The following USP47 variants were observed in gnomAD, a reference collection of about 807,000 sequenced individuals.
USP47 encodes ubiquitin carboxyl-terminal hydrolase 47.
Under a neutral mutation model 165.1 loss-of-function variants are expected in USP47, and 35 were observed. That is an observed-to-expected ratio of 0.21 (90% CI 0.16 to 0.28). The LOEUF is 0.28. Among genes scored for constraint, USP47 ranks in the 10% least tolerant of loss-of-function variants. USP47 has a pLI of 1.00. For missense variants in USP47, 1,277 were observed against 1,607.4 expected (o/e 0.79, Z 3.52); for synonymous variants, 531 against 544.5 (o/e 0.98, Z 0.35).
In USP47 at chr11:11,892,061, A is replaced by G. The variant is rs763420972; in HGVS notation, c.451A>G (p.Ser151Gly). ...TGGGGGTTCTACCAGTGATTATGTC[A>G]GCCAAAGCTACTCCTACTCATCTAT... ...GSGGSTSDYVSQSYSYSSILN... is the reference protein window; with the variant it reads ...GSGGSTSDYVGQSYSYSSILN... The change falls in exon 4 of 28, where the codon AGC becomes GGC. Residue 151 changes from serine (S) to glycine (G), a missense_variant. Ser to Gly is a moderately conservative substitution (Grantham distance 56). Transcript: ENST00000527733. 2 of 1,613,778 alleles carry G rather than the reference A, an allele frequency of 1.2e-6. No homozygotes were observed. The highest frequency in any genetic ancestry group is 1.7e-6 in the Non-Finnish European group (2 of 1,179,886).
At chr11:11,919,996 ATAT>A (rs1853712176) in intron 8 of USP47, among the ~76,000 whole-genome samples, 157 bp from the exon 9 acceptor site, 1 of 151,794 alleles carries the variant, frequency 6.6e-6, no homozygotes, top group African/African-American at 2.4e-5. Context: ...TATAGTGATA[ATAT>A]TATTTTACTG....
chr11:11,917,958 T>G (rs1296657087), intron 8 of USP47, among the ~76,000 whole-genome samples: 2 of 152,040 alleles, frequency 1.3e-5, no homozygotes, highest in African/African-American at 4.8e-5. Context: ...AAATCAAGGG[T>G]GGAAGATTTG....
intron 1 of USP47, among the ~76,000 whole-genome samples, chr11:11,857,587 A>G (rs954821551): frequency 5.3e-5 from 8 of 152,318 alleles, no homozygotes; most frequent in Non-Finnish European, 1.0e-4. Flanking sequence ...AGTAGTTATG[A>G]GGCAGGAGAA....
intron 1 of USP47, among the ~76,000 whole-genome samples, chr11:11,848,712 C>T (rs1848563024): frequency 6.6e-6 from 1 of 150,684 alleles, no homozygotes; most frequent in Non-Finnish European, 1.5e-5. Flanking sequence ...CGGGTTCAAG[C>T]GATTCTCCTG....
chr11:11,919,483 C>T (rs977899292), intron 8 of USP47, among the ~76,000 whole-genome samples: 1 of 151,782 alleles, frequency 6.6e-6, no homozygotes, highest in African/African-American at 2.4e-5. Flanking sequence ...GATTCTTTAA[C>T]AGTATTTATA....
At chr11:11,948,750 T>C (rs944019013) in intron 22 of USP47, 192 bp downstream of exon 22, 1 of 505,296 alleles carries the variant, frequency 2.0e-6, no homozygotes, top group Non-Finnish European at 3.6e-6. Flanking sequence ...CAAGGAGCCA[T>C]AGACAATAAT....
chr11:11,866,397 G>A (rs1849682523), intron 1 of USP47, among the ~76,000 whole-genome samples: 1 of 152,202 alleles, frequency 6.6e-6, no homozygotes, highest in Non-Finnish European at 1.5e-5. Flanking sequence ...TTTCATATCA[G>A]ATAAGCAAAG....
chr11:11,871,869 A>T (rs1226684594), intron 1 of USP47, among the ~76,000 whole-genome samples: 3 of 152,166 alleles, frequency 2.0e-5, no homozygotes, highest in Non-Finnish European at 4.4e-5. Context: ...CTGCTTTCAC[A>T]GGGATCATTA....
intron 5 of USP47, among the ~76,000 whole-genome samples, chr11:11,902,495 T>G (rs1373533558): frequency 6.6e-6 from 1 of 152,216 alleles, no homozygotes; most frequent in Non-Finnish European, 1.5e-5. Context: ...TGCCTTGTTA[T>G]GCCTTGTTAT....
chr11:11,893,522 G>A (rs1018451397), intron 4 of USP47, among the ~76,000 whole-genome samples: 7 of 152,038 alleles, frequency 4.6e-5, no homozygotes, highest in Admixed American at 1.3e-4. Context: ...CTGCAGCCTC[G>A]AACTCCTAGG....
At chr11:11,936,645 G>A (rs1855094830) in intron 17 of USP47, 135 bp downstream of exon 17, 2 of 681,912 alleles carry the variant, frequency 2.9e-6, no homozygotes, top group African/African-American at 3.7e-5. Flanking sequence ...TTGACAGGTT[G>A]AGAAGTACTC....
At chr11:11,936,551 A>C in intron 17 of USP47, 41 bp downstream of exon 17, 1 of 1,433,952 alleles carries the variant, frequency 7.0e-7, no homozygotes, top group Non-Finnish European at 9.3e-7. Context: ...CTGTACTTAG[A>C]ATTTTCATGA....
chr11:11,886,264 A>C (rs923029795), intron 3 of USP47, among the ~76,000 whole-genome samples: 1 of 152,186 alleles, frequency 6.6e-6, no homozygotes, highest in Non-Finnish European at 1.5e-5. Context: ...AATTGACAGA[A>C]GGAGGTTTTA....
chr11:11,922,597 CAAAGT>C (rs2134614303), intron 10 of USP47, 122 bp from the exon 11 acceptor site: 3 of 690,556 alleles, frequency 4.3e-6, no homozygotes, highest in African/African-American at 1.9e-5. Flanking sequence ...TAAATGTACT[CAAAGT>C]AAAATATTTT....
intron 1 of USP47, among the ~76,000 whole-genome samples, chr11:11,847,839 A>G (rs914925371): frequency 6.6e-6 from 1 of 152,224 alleles, no homozygotes; most frequent in African/African-American, 2.4e-5. Flanking sequence ...TTTAAAGTTT[A>G]TAATTATTAC....
chr11:11,886,202 C>T (rs918813743), intron 3 of USP47, among the ~76,000 whole-genome samples: 13 of 152,174 alleles, frequency 8.5e-5, no homozygotes, highest in Non-Finnish European at 1.3e-4. Context: ...TCCAGATGAC[C>T]GCAGTGCCTC....
rs1847389059 is a variant in USP47, at chr11:11,960,185, T to TCCAAGATGTG, written c.*4012_*4021dup. Reference sequence around the variant, plus strand: ...AGCTCCCCTGAACCTCCATAGTGCCTCCAAGATGTGCTGTCCCTGCCAACT... The same window carrying TCCAAGATGTG: ...AGCTCCCCTGAACCTCCATAGTGCCTCCAAGATGTGCCAAGATGTGCTGTCCCTGCCAACT... On this transcript the variant is annotated 3_prime_UTR_variant, in exon 28 of 28. Coordinates refer to ENST00000527733, the MANE Select transcript of USP47 (RefSeq NM_001282659.2). Among the ~76,000 whole-genome samples the TCCAAGATGTG allele has an allele frequency of 6.6e-6, 1 of 152,140 alleles. No individual in the cohort carries two copies. Among genetic ancestry groups the TCCAAGATGTG allele is most frequent in the African/African-American group, 2.4e-5 (1 of 41,418 alleles).
At chr11:11,897,403 A>G (rs1036387708) in intron 4 of USP47, among the ~76,000 whole-genome samples, 194 bp from the exon 5 acceptor site, 1 of 152,090 alleles carries the variant, frequency 6.6e-6, no homozygotes, top group African/African-American at 2.4e-5. Flanking sequence ...GACATTTTCT[A>G]CAAAACAAAG....
intron 7 of USP47, among the ~76,000 whole-genome samples, chr11:11,904,859 G>A (rs1381062681): frequency 1.3e-5 from 2 of 152,008 alleles, no homozygotes; most frequent in African/African-American, 4.8e-5. Flanking sequence ...ATTGTGTTAT[G>A]TATATTACTG....
Sources: gnomAD v4.1 joint callset for allele counts (sites outside exome capture counted in the v4.1 genomes callset) on GRCh38, gnomAD v4.1.1 for gene constraint, MANE v1.5 for transcripts, NCBI Gene and HGNC (gene_info 2026-07-23, HGNC 2026-07-21) for gene names.